Variants in SULF1 observed in about 807,000 individuals in gnomAD.
The protein encoded by SULF1 is sulfatase 1.
SULF1 carries 46 observed loss-of-function variants against 110.5 expected under a neutral mutation model. The ratio of observed to expected loss-of-function variants is 0.42; its 90% confidence interval spans 0.33 to 0.53. SULF1 has a LOEUF of 0.53. Ranked by LOEUF, SULF1 falls within the 20% of genes least tolerant of loss-of-function variation. The probability of loss-of-function intolerance (pLI) is 0.12; values close to 1 mark genes in which losing one functional copy is unlikely to be tolerated. For synonymous variants in SULF1, 371 were observed against 387.1 expected (o/e 0.96, Z 0.49); for missense variants, 941 against 1,094.2 (o/e 0.86, Z 1.98).
At chr8:69,635,298 C>A (rs1385933767) in intron 19 of SULF1, among the ~76,000 whole-genome samples, 1 of 152,160 alleles carries the variant, frequency 6.6e-6, no homozygotes, top group Non-Finnish European at 1.5e-5. Context: ...AAACTATGAA[C>A]TTTGAGTGAC....
intron 19 of SULF1, among the ~76,000 whole-genome samples, chr8:69,636,781 G>C (rs576248948): frequency 6.6e-6 from 1 of 152,088 alleles, no homozygotes; most frequent in South Asian, 2.1e-4. Context: ...AGAAGAATTG[G>C]GCCCTTTCTG....
chr8:69,632,698 A>C (rs78713841), intron 19 of SULF1, among the ~76,000 whole-genome samples: 2,448 of 152,254 alleles, frequency 0.016, 62 homozygotes, highest in African/African-American at 0.056. Flanking sequence ...CATTACACTA[A>C]TATACAAACA....
intron 1 of SULF1, among the ~76,000 whole-genome samples, chr8:69,468,573 A>G (rs1808954441): frequency 6.6e-6 from 1 of 152,208 alleles, no homozygotes; most frequent in African/African-American, 2.4e-5. Context: ...TCCCAATATT[A>G]CATAACCAAA....
intron 12 of SULF1, among the ~76,000 whole-genome samples, 176 bp downstream of exon 12, chr8:69,603,832 G>A (rs1180170319): frequency 6.6e-6 from 1 of 152,080 alleles, no homozygotes; most frequent in Non-Finnish European, 1.5e-5. Flanking sequence ...AATAATTGCT[G>A]GATCAGAATT....
intron 22 of SULF1, among the ~76,000 whole-genome samples, chr8:69,644,991 G>C (rs1365932373): frequency 2.0e-5 from 3 of 152,136 alleles, no homozygotes; most frequent in African/African-American, 7.2e-5. Flanking sequence ...ACAAGAGATG[G>C]AGCAGGGGCA....
At chr8:69,640,785 A>G (rs1811417124) in intron 21 of SULF1, 23 bp from the exon 22 acceptor site, 1 of 1,601,460 alleles carries the variant, frequency 6.2e-7, no homozygotes, top group Admixed American at 1.7e-5. Context: ...AACAGAAATT[A>G]CTCTTGTATT....
chr8:69,598,759 C>CT (rs1490724633), intron 8 of SULF1, among the ~76,000 whole-genome samples: 1 of 152,090 alleles, frequency 6.6e-6, no homozygotes, highest in Admixed American at 6.5e-5. Context: ...GCCACACCCT[C>CT]TTTTCCACAC....
chr8:69,571,251 A>G (rs1288613363), intron 5 of SULF1, among the ~76,000 whole-genome samples: 2 of 152,218 alleles, frequency 1.3e-5, no homozygotes, highest in Non-Finnish European at 2.9e-5. Flanking sequence ...AGGTGAGCAC[A>G]TAGGGCAACC....
Position 69,658,669 on chromosome 8 carries a change from G to C in SULF1, c.*134G>C. The C allele has an allele frequency of 1.3e-6, 1 of 779,336 alleles. No homozygotes were observed. The highest frequency in any genetic ancestry group is 2.3e-6 in the Non-Finnish European group (1 of 439,846). 48.3% of individuals were successfully genotyped at this position (779,336 alleles called of 1,614,324 possible). On this transcript the variant is annotated 3_prime_UTR_variant, in exon 23 of 23. Transcript: ENST00000402687. Reference sequence around the variant, plus strand: ...CTGGACTAATTACTTGAAGGATTTAGATAGAGTATTTGCACTGCTGAAGAG... The same window carrying C: ...CTGGACTAATTACTTGAAGGATTTACATAGAGTATTTGCACTGCTGAAGAG...
At chr8:69,651,056 C>T (rs7838722) in intron 22 of SULF1, among the ~76,000 whole-genome samples, 58,725 of 137,070 alleles carry the variant, frequency 0.43, 12,674 homozygotes, top group Admixed American at 0.51. Flanking sequence ...TTTTTCTTTT[C>T]TTTTTTTTTT....
intron 3 of SULF1, among the ~76,000 whole-genome samples, chr8:69,542,044 C>A (rs1322423755): frequency 2.0e-5 from 3 of 152,160 alleles, no homozygotes; most frequent in Non-Finnish European, 2.9e-5. Flanking sequence ...TGGAATTATA[C>A]ATTTTCTTTA....
intron 3 of SULF1, among the ~76,000 whole-genome samples, chr8:69,553,635 C>G (rs1033733117): frequency 6.6e-6 from 1 of 152,148 alleles, no homozygotes; most frequent in African/African-American, 2.4e-5. Flanking sequence ...AAGCATTTTC[C>G]AAATAAACCA....
At chr8:69,523,919 G>T (rs1286091290) in intron 3 of SULF1, among the ~76,000 whole-genome samples, 1 of 152,026 alleles carries the variant, frequency 6.6e-6, no homozygotes, top group Non-Finnish European at 1.5e-5. Context: ...GAGGAGGGGT[G>T]ATCCAGAAAG....
intron 22 of SULF1, among the ~76,000 whole-genome samples, chr8:69,657,738 T>C (rs11991158): frequency 0.096 from 14,672 of 152,200 alleles, 1,652 homozygotes; most frequent in African/African-American, 0.27. Context: ...GGGTGGTCAT[T>C]GCACTCATCT....
rs540828189 is a variant in SULF1, at chr8:69,541,762, A to T, written c.-133-21777A>T. On this transcript the variant is annotated intron_variant, in intron 3 of 22. Coordinates refer to ENST00000402687, the MANE Select transcript of SULF1 (RefSeq NM_001128205.2). Reference sequence around the variant, plus strand: ...AAGCCATTAAATAAGATATGTGGGTATTGTTAGTGTATGACATATGGGTAA... The same window carrying T: ...AAGCCATTAAATAAGATATGTGGGTTTTGTTAGTGTATGACATATGGGTAA... Among the ~76,000 whole-genome samples, 4 of 152,326 alleles carry T rather than the reference A, an allele frequency of 2.6e-5. No homozygotes were observed. The South Asian group carries it at 8.3e-4, about 32-fold the overall frequency.
At chr8:69,577,674 A>C (rs1013334672) in intron 6 of SULF1, among the ~76,000 whole-genome samples, 2 of 152,176 alleles carry the variant, frequency 1.3e-5, no homozygotes, top group Admixed American at 6.5e-5. Flanking sequence ...TTCAGGGCTA[A>C]ATTAGGAAGG....
intron 8 of SULF1, among the ~76,000 whole-genome samples, chr8:69,598,698 AG>A (rs1807547591): frequency 6.6e-6 from 1 of 152,212 alleles, no homozygotes; most frequent in Non-Finnish European, 1.5e-5. Flanking sequence ...GGCCCAAAAC[AG>A]CTTTTTAAGA....
chr8:69,626,530 A>AG (rs1489512640), intron 15 of SULF1, among the ~76,000 whole-genome samples: 3 of 152,204 alleles, frequency 2.0e-5, no homozygotes, highest in African/African-American at 7.2e-5. Flanking sequence ...GCCATAGAGC[A>AG]GGGGGTGGTG....
chr8:69,510,988 A>G (rs1028591229), intron 3 of SULF1, among the ~76,000 whole-genome samples: 1 of 149,718 alleles, frequency 6.7e-6, no homozygotes, highest in East Asian at 1.9e-4. Flanking sequence ...ACACACACAT[A>G]TTGTCAATGT....
Sources: gnomAD v4.1 joint callset for allele counts (sites outside exome capture counted in the v4.1 genomes callset) on GRCh38, gnomAD v4.1.1 for gene constraint, MANE v1.5 for transcripts, NCBI Gene and HGNC (gene_info 2026-07-23, HGNC 2026-07-21) for gene names.